CEP72: variants seen among roughly 807,000 people sequenced by gnomAD.
CEP72 encodes centrosomal protein 72.
In CEP72, 78 loss-of-function variants were observed where a neutral mutation model predicts 65.7. That is an observed-to-expected ratio of 1.19 (90% CI 0.99 to 1.43). CEP72 has a LOEUF of 1.43. Among genes scored for constraint, CEP72 ranks in the 40% most tolerant of loss-of-function variants. CEP72 has a pLI of 0.00. For missense variants in CEP72, 914 were observed against 832.9 expected (o/e 1.10, Z -1.20); for synonymous variants, 358 against 351.7 (o/e 1.02, Z -0.20).
downstream of CEP72, among the ~76,000 whole-genome samples, chr5:656,225 C>T (rs1406395853): frequency 6.6e-6 from 1 of 152,190 alleles, no homozygotes; most frequent in Admixed American, 6.5e-5. Flanking sequence ...CTGTCTCTGC[C>T]AATACCACAC....
rs769917692 is a variant in CEP72, at chr5:652,974, C to T, written c.1779-14C>T. The T allele has an allele frequency of 3.1e-6, 5 of 1,594,812 alleles. No homozygotes were observed. Among genetic ancestry groups the T allele is most frequent in the African/African-American group, 1.3e-5 (1 of 74,544 alleles). Reference sequence around the variant, plus strand: ...ACGGAAGTGCCAAGCAGCCGCTTCCCTGTTGTTCTGCAGCTCCCTGGTCAG... The same window carrying T: ...ACGGAAGTGCCAAGCAGCCGCTTCCTTGTTGTTCTGCAGCTCCCTGGTCAG... On this transcript the variant is annotated splice_polypyrimidine_tract_variant and intron_variant, in intron 11 of 11. Transcript: ENST00000264935.
chr5:670,766 A>C (rs1038062923), downstream of CEP72, among the ~76,000 whole-genome samples: 1 of 152,170 alleles, frequency 6.6e-6, no homozygotes, highest in East Asian at 1.9e-4. Flanking sequence ...CAAGATACAG[A>C]GGACCTAGAG....
At chr5:668,456 A>G (rs893227660), downstream of CEP72, among the ~76,000 whole-genome samples, 3 of 133,404 alleles carry the variant, frequency 2.2e-5, no homozygotes, top group Non-Finnish European at 5.2e-5. Flanking sequence ...GCGGACAAGC[A>G]CACGGAGAGG....
intron 9 of CEP72, 139 bp downstream of exon 9, chr5:640,743 C>A (rs554790415): frequency 1.7e-5 from 24 of 1,436,788 alleles, no homozygotes; most frequent in Middle Eastern, 5.1e-4. Flanking sequence ...ACTCCCTGCC[C>A]GGGACCCGGC....
chr5:633,703 T>C (rs1737382797), intron 4 of CEP72, 66 bp from the exon 5 acceptor site: 1 of 1,486,496 alleles, frequency 6.7e-7, no homozygotes, highest in Non-Finnish European at 9.3e-7. Flanking sequence ...TTCCTTCTCC[T>C]GGTCTGCGTG....
intron 3 of CEP72, among the ~76,000 whole-genome samples, chr5:620,551 T>C (rs1431868695): frequency 6.6e-6 from 1 of 152,194 alleles, no homozygotes; most frequent in East Asian, 1.9e-4. Context: ...CTCCGCGTCA[T>C]GGCTGTTGGA....
At chr5:670,907 G>T (rs929682767), downstream of CEP72, among the ~76,000 whole-genome samples, 3 of 152,206 alleles carry the variant, frequency 2.0e-5, no homozygotes, top group African/African-American at 7.2e-5. Context: ...ACCTGAGAGG[G>T]CTTCTCCCCT....
At chr5:662,628 CAGAA>C (rs1418496552) in intron 1 of CEP72, 4 of 152,638 alleles carry the variant, frequency 2.6e-5, no homozygotes, top group African/African-American at 9.6e-5. Flanking sequence ...TGCCCACGGA[CAGAA>C]AGGAGAAACG....
the CEP72 span, among the ~76,000 whole-genome samples, chr5:674,092 G>A: frequency 0.015 from 2,278 of 152,342 alleles, 55 homozygotes; most frequent in African/African-American, 0.052. Flanking sequence ...CAGGGCTGAC[G>A]GCCCCTGGAC....
At chr5:620,292 T>A in intron 3 of CEP72, 31 bp downstream of exon 3, 1 of 1,594,728 alleles carries the variant, frequency 6.3e-7, no homozygotes, top group Non-Finnish European at 8.6e-7. Flanking sequence ...CGCTCATGCT[T>A]TTGTCCCCGT....
rs1377616396 is a variant in CEP72 at position 637,730 on chromosome 5, C to G, written c.1118C>G (p.Ser373Ter). The change falls in exon 7 of 12, where the codon TCA becomes TGA. Residue 373 changes from serine to a stop codon, truncating the protein, a stop_gained. Coordinates refer to ENST00000264935, the MANE Select transcript of CEP72 (RefSeq NM_018140.4). LOFTEE classifies it high-confidence loss of function. ...PKESLSRQDS[S>*]ESRNGRTLSQ... ...GAGAGCCTGAGCAGACAGGACAGCT[C>G]AGAAAGCAGGAACGGGAGGACCTTG... 1.2e-6 allele frequency: 2 copies of G among 1,613,388 alleles called. No individual in the cohort carries two copies. The highest frequency in any genetic ancestry group is 3.3e-5 in the Admixed American group (2 of 59,992).
At chr5:654,420 CTGTGTGTGTCTGCTAGCTG>C (rs1185610127), downstream of CEP72, among the ~76,000 whole-genome samples, 2 of 147,640 alleles carry the variant, frequency 1.4e-5, no homozygotes, top group African/African-American at 2.5e-5. Flanking sequence ...TGTGTGCTAG[CTGTGTGTGTCTGCTAGCTG>C]TGTGTGTGTG....
At chr5:620,317 G>C (rs1347568722) in intron 3 of CEP72, 56 bp downstream of exon 3, 1 of 1,498,932 alleles carries the variant, frequency 6.7e-7, no homozygotes. Flanking sequence ...TATGGGAGTC[G>C]GGGAGTCGTA....
chr5:625,401 T>C (rs1736688770), intron 4 of CEP72, among the ~76,000 whole-genome samples: 1 of 152,216 alleles, frequency 6.6e-6, no homozygotes, highest in Admixed American at 6.5e-5. Context: ...GTCAGCTTTT[T>C]TGTGTGAATG....
intron 11 of CEP72, among the ~76,000 whole-genome samples, chr5:649,577 T>C (rs1424726922): frequency 1.8e-5 from 2 of 112,728 alleles, no homozygotes; most frequent in African/African-American, 7.1e-5. Flanking sequence ...GCGTGGACTG[T>C]GAGGCGTGAC....
intron 3 of CEP72, among the ~76,000 whole-genome samples, chr5:621,867 G>A (rs1054560677): frequency 2.6e-5 from 4 of 152,232 alleles, no homozygotes; most frequent in South Asian, 2.1e-4. Context: ...TCCGCCTCCC[G>A]GGTTCAAGCA....
At chr5:664,645 C>T (rs1580069878) in intron 2 of CEP72, 3 of 169,166 alleles carry the variant, frequency 1.8e-5, no homozygotes, top group South Asian at 1.6e-4. Context: ...CCACAGACAC[C>T]TCCCACGTCC....
rs776185596 is a variant in CEP72, at chr5:617,672, A to T, written c.83-1318A>T. Among the ~76,000 whole-genome samples, 61 of 152,298 alleles carry T rather than the reference A, an allele frequency of 4.0e-4. 1 individual carries two copies. The highest frequency in any genetic ancestry group is 3.1e-3 in the South Asian group (15 of 4,826). On this transcript the variant is annotated intron_variant, in intron 1 of 11. Coordinates refer to ENST00000264935, the MANE Select transcript of CEP72 (RefSeq NM_018140.4). ...ATCCTGCTGTTTAGCTGCACCTGAG[A>T]CGATGCCTGAGGGCTACCTGAGGAA...
Position 637,576 on chromosome 5 carries a change from G to A in CEP72, c.964G>A (p.Val322Met). The change falls in exon 7 of 12, where the codon GTG (valine) becomes ATG (methionine). Residue 322 changes from valine to methionine, a missense_variant. Physicochemically the swap from Val to Met is conservative, Grantham distance 21 (BLOSUM62 1). Transcript: ENST00000264935. The part of the protein sequence containing the change: ...SQKLDLSGEM[V>M]PGPLPAPGKC... ...GAAGTTGGATTTGTCAGGAGAAATG[G>A]TGCCTGGTCCCCTGCCAGCCCCCGG... 6.2e-7 allele frequency: 1 copy of A among 1,614,082 alleles called. No individual in the cohort carries two copies. The highest frequency in any genetic ancestry group is 8.5e-7 in the Non-Finnish European group (1 of 1,180,038).
Sources: allele counts gnomAD v4.1 joint callset (sites outside exome capture counted in the v4.1 genomes callset), GRCh38; gene constraint gnomAD v4.1.1; transcripts MANE v1.5; gene names NCBI Gene and HGNC (gene_info 2026-07-23, HGNC 2026-07-21).